The following RBMS3 variants were observed in gnomAD, a reference collection of about 807,000 sequenced individuals.
RBMS3 encodes the protein RNA-binding motif, single-stranded-interacting protein 3.
RBMS3 carries 27 observed loss-of-function variants against 66.8 expected under a neutral mutation model. That is an observed-to-expected ratio of 0.40 (90% confidence interval 0.30 to 0.56). RBMS3 has a LOEUF of 0.56. Among genes scored for constraint, RBMS3 ranks in the 20% least tolerant of loss-of-function variants. The probability of loss-of-function intolerance (pLI) is 0.40; values close to 1 mark genes in which losing one functional copy is unlikely to be tolerated. For missense variants in RBMS3, 513 were observed against 549.5 expected (o/e 0.93, Z 0.66); for synonymous variants, 188 against 183.0 (o/e 1.03, Z -0.22).
intron 4 of RBMS3, among the ~76,000 whole-genome samples, chr3:29,588,700 T>C (rs1320239824): frequency 6.6e-6 from 1 of 152,078 alleles, no homozygotes; most frequent in East Asian, 1.9e-4. Context: ...GCTTTGGATT[T>C]TTTTCATGGA....
At position 29,821,572 on chromosome 3, in the gene RBMS3, T is replaced by G. The variant is rs539502076; in HGVS notation, c.638-47286T>G. On this transcript the variant is annotated intron_variant, in intron 6 of 14. Coordinates refer to ENST00000383767, the MANE Select transcript of RBMS3 (RefSeq NM_001003793.3). Reference sequence around the variant, plus strand: ...TCTGCCTTCCACTAACTCATGTTTTTGCAATCACAAACTAAGCAAACTACC... The same window carrying G: ...TCTGCCTTCCACTAACTCATGTTTTGGCAATCACAAACTAAGCAAACTACC... 5.3e-5 allele frequency among the ~76,000 whole-genome samples: 8 copies of G among 152,310 alleles called. No individual in the cohort carries two copies. The East Asian group carries it at 1.5e-3, about 29-fold the overall frequency.
At chr3:29,521,495 C>T (rs2044855435) in intron 3 of RBMS3, among the ~76,000 whole-genome samples, 1 of 152,156 alleles carries the variant, frequency 6.6e-6, no homozygotes, top group Non-Finnish European at 1.5e-5. Context: ...GCCAGGTCTC[C>T]AGGACTCAAC....
chr3:29,419,420 AT>A (rs2040612309), intron 1 of RBMS3, among the ~76,000 whole-genome samples: 1 of 152,144 alleles, frequency 6.6e-6, no homozygotes, highest in Admixed American at 6.5e-5. Flanking sequence ...TATTTTACAC[AT>A]GTTATAGTGT....
intron 4 of RBMS3, among the ~76,000 whole-genome samples, chr3:29,642,147 G>A (rs780933823): frequency 1.3e-5 from 2 of 151,988 alleles, no homozygotes; most frequent in Non-Finnish European, 2.9e-5. Context: ...GTTATAACCC[G>A]TAGATCTGCC....
chr3:29,938,063 C>A (rs2061310649), intron 11 of RBMS3, among the ~76,000 whole-genome samples: 2 of 151,792 alleles, frequency 1.3e-5, no homozygotes, highest in Admixed American at 6.6e-5. Context: ...GTAAAGCCAA[C>A]TGACTTGCTA....
intron 1 of RBMS3, among the ~76,000 whole-genome samples, chr3:29,391,822 A>G (rs913979998): frequency 2.0e-5 from 3 of 152,224 alleles, no homozygotes; most frequent in African/African-American, 7.2e-5. Flanking sequence ...ATATAAAAAT[A>G]TGATTATTTT....
At chr3:29,679,334 G>A (rs769894598) in intron 4 of RBMS3, among the ~76,000 whole-genome samples, 6 of 152,032 alleles carry the variant, frequency 3.9e-5, no homozygotes, top group Non-Finnish European at 7.4e-5. Flanking sequence ...TGCATTATCC[G>A]TCGATTTTTC....
chr3:29,803,671 A>G (rs1339634159), intron 6 of RBMS3, among the ~76,000 whole-genome samples: 1 of 152,048 alleles, frequency 6.6e-6, no homozygotes, highest in Non-Finnish European at 1.5e-5. Context: ...GTAATATAAC[A>G]TTAGATATGT....
At chr3:29,882,574 T>G (rs531644857) in intron 7 of RBMS3, among the ~76,000 whole-genome samples, 1 of 152,220 alleles carries the variant, frequency 6.6e-6, no homozygotes, top group South Asian at 2.1e-4. Context: ...CACATGTGAC[T>G]CTACACTTTT....
At chr3:29,420,030 A>G (rs758728449) in intron 1 of RBMS3, among the ~76,000 whole-genome samples, 8 of 152,246 alleles carry the variant, frequency 5.3e-5, no homozygotes, top group Middle Eastern at 3.4e-3. Context: ...TTATGGCATT[A>G]ATGGTCTGCC....
chr3:29,569,070 C>T (rs1221688358), intron 3 of RBMS3, among the ~76,000 whole-genome samples: 2 of 152,152 alleles, frequency 1.3e-5, no homozygotes, highest in Non-Finnish European at 2.9e-5. Flanking sequence ...GTGATGCCAA[C>T]ATTGCTTTTC....
At chr3:29,697,789 G>A (rs1331301357) in intron 4 of RBMS3, among the ~76,000 whole-genome samples, 11 of 152,024 alleles carry the variant, frequency 7.2e-5, no homozygotes, top group Admixed American at 2.6e-4. Flanking sequence ...TTTTTTCTGC[G>A]ACCCACCACA....
intron 4 of RBMS3, among the ~76,000 whole-genome samples, chr3:29,663,515 A>G (rs1193483629): frequency 1.3e-5 from 2 of 152,176 alleles, no homozygotes; most frequent in African/African-American, 4.8e-5. Flanking sequence ...TTACAATTTG[A>G]TAGCCTTCTT....
chr3:29,476,841 A>C (rs959650389), intron 2 of RBMS3, among the ~76,000 whole-genome samples: 7 of 152,264 alleles, frequency 4.6e-5, no homozygotes, highest in Middle Eastern at 3.4e-3. Flanking sequence ...TGAATCTTTA[A>C]ATGAAGCATG....
chr3:29,631,367 T>C (rs1353210460), intron 4 of RBMS3, among the ~76,000 whole-genome samples: 1 of 151,874 alleles, frequency 6.6e-6, no homozygotes, highest in Non-Finnish European at 1.5e-5. Flanking sequence ...CTCTGACTGC[T>C]TTTCTGTTAT....
At chr3:29,807,468 G>A (rs1482001935) in intron 6 of RBMS3, among the ~76,000 whole-genome samples, 1 of 151,898 alleles carries the variant, frequency 6.6e-6, no homozygotes, top group Non-Finnish European at 1.5e-5. Context: ...AATCTTATAT[G>A]CAGGGTTCTG....
intron 1 of RBMS3, among the ~76,000 whole-genome samples, chr3:29,347,351 A>G (rs1199218133): frequency 6.6e-6 from 1 of 152,232 alleles, no homozygotes; most frequent in African/African-American, 2.4e-5. Context: ...TATAATATTT[A>G]AAGATATTTA....
intron 12 of RBMS3, among the ~76,000 whole-genome samples, chr3:29,959,851 G>A (rs1032220796): frequency 6.6e-6 from 1 of 151,988 alleles, no homozygotes; most frequent in Non-Finnish European, 1.5e-5. Flanking sequence ...CAGCATAGAG[G>A]AACTGCCCCA....
chr3:29,462,842 A>G (rs924127717), intron 2 of RBMS3, among the ~76,000 whole-genome samples: 19 of 152,220 alleles, frequency 1.2e-4, no homozygotes, highest in African/African-American at 3.9e-4. Flanking sequence ...AAGAAAATGA[A>G]GTGGCAATTA....
Sources: allele counts gnomAD v4.1 joint callset (sites outside exome capture counted in the v4.1 genomes callset), GRCh38; gene constraint gnomAD v4.1.1; transcripts MANE v1.5; gene names NCBI Gene and HGNC (gene_info 2026-07-23, HGNC 2026-07-21).